Variants in SYT9 observed in about 807,000 individuals in gnomAD.
The protein encoded by SYT9 is synaptotagmin 9.
In SYT9, 22 loss-of-function variants were observed where a neutral mutation model predicts 48.4. That is an observed-to-expected ratio of 0.45 (90% CI 0.32 to 0.65). SYT9 has a LOEUF of 0.65. SYT9 is among the 30% of genes least tolerant of loss of function. SYT9 has a pLI of 0.03. For missense variants in SYT9, 577 were observed against 622.0 expected (o/e 0.93, Z 0.77); for synonymous variants, 265 against 245.0 (o/e 1.08, Z -0.76).
intron 3 of SYT9, among the ~76,000 whole-genome samples, chr11:7,369,656 G>A (rs1850319715): frequency 1.3e-5 from 2 of 151,844 alleles, no homozygotes; most frequent in South Asian, 4.2e-4. Context: ...TTTTGTGTAA[G>A]GTGTAAGGAA....
chr11:7,282,910 ACACACACACACACACG>A (rs1399916338), intron 1 of SYT9, among the ~76,000 whole-genome samples: 1 of 144,568 alleles, frequency 6.9e-6, no homozygotes. Context: ...CCGTGTTAAA[ACACACACACACACACG>A]CACACACACA....
intron 1 of SYT9, among the ~76,000 whole-genome samples, chr11:7,246,642 T>A (rs964455061): frequency 5.9e-5 from 9 of 152,248 alleles, no homozygotes; most frequent in Non-Finnish European, 1.2e-4. Flanking sequence ...GTTTTTTGCC[T>A]ATTTCAGATG....
chr11:7,415,966 T>G lies in SYT9; in HGVS notation c.1045-76T>G, dbSNP rs1847238453. 4.0e-5 allele frequency: 64 copies of G among 1,588,124 alleles called. 1 individual carries two copies. The South Asian group carries it at 7.2e-4, about 18-fold the overall frequency. On this transcript the variant is annotated intron_variant, in intron 3 of 6. Coordinates refer to ENST00000318881, the MANE Select transcript of SYT9 (RefSeq NM_175733.4). ...AAAGGGGCAGTGTGTTCCCTTTCAG[T>G]GTGGCCTGAAGCTGAGCCTCTTGCA... is the stretch of plus-strand genomic sequence containing the variant.
chr11:7,373,760 G>T (rs1432949714), intron 3 of SYT9, among the ~76,000 whole-genome samples: 1 of 152,050 alleles, frequency 6.6e-6, no homozygotes, highest in East Asian at 1.9e-4. Context: ...CAGATGTTTG[G>T]AAGCACCTGG....
At chr11:7,368,914 G>C (rs932270759) in intron 3 of SYT9, among the ~76,000 whole-genome samples, 1 of 152,126 alleles carries the variant, frequency 6.6e-6, no homozygotes, top group Admixed American at 6.6e-5. Context: ...CTAAGTCTTT[G>C]CCATGGTGAA....
At chr11:7,368,656 G>A (rs1475435299) in intron 3 of SYT9, among the ~76,000 whole-genome samples, 1 of 152,064 alleles carries the variant, frequency 6.6e-6, no homozygotes, top group East Asian at 1.9e-4. Flanking sequence ...GAGAATGATG[G>A]CTTCCAGCTT....
chr11:7,275,046 T>C (rs149833305), intron 1 of SYT9, among the ~76,000 whole-genome samples: 12 of 151,944 alleles, frequency 7.9e-5, no homozygotes, highest in African/African-American at 2.4e-4. Context: ...CCTTGTAAAG[T>C]TTGGGTTGTT....
chr11:7,303,211 C>A lies in SYT9; in HGVS notation c.318C>A (p.Thr106=), dbSNP rs1319638031. Residue 106 remains threonine, a synonymous_variant, in exon 2 of 7, where the codon ACC becomes ACA. Transcript: ENST00000318881. The part of the protein sequence containing the change: ...QEPLNYMDTE[T]NEQENSEDFL... ...CCCTTAACTACATGGACACAGAGAC[C>A]AATGAGCAGGAGAACAGTGAGGACT... The A allele has an allele frequency of 1.2e-6, 2 of 1,614,134 alleles. No homozygotes were observed. The highest frequency in any genetic ancestry group is 4.5e-5 in the East Asian group (2 of 44,876).
At chr11:7,349,510 G>A (rs374413032) in intron 3 of SYT9, among the ~76,000 whole-genome samples, 31 of 152,146 alleles carry the variant, frequency 2.0e-4, no homozygotes, top group African/African-American at 5.8e-4. Context: ...CAGTTGAGGT[G>A]GGCTGCGGGC....
chr11:7,375,834 C>T (rs1225546225), intron 3 of SYT9, among the ~76,000 whole-genome samples: 1 of 151,670 alleles, frequency 6.6e-6, no homozygotes, highest in Non-Finnish European at 1.5e-5. Flanking sequence ...TGGGGTTTCT[C>T]CACTCTAGCC....
chr11:7,287,111 AG>A (rs1475059788), intron 1 of SYT9, among the ~76,000 whole-genome samples: 1 of 152,222 alleles, frequency 6.6e-6, no homozygotes, highest in African/African-American at 2.4e-5. Flanking sequence ...TATAAAGGAA[AG>A]AGGTTTAATT....
intron 1 of SYT9, among the ~76,000 whole-genome samples, chr11:7,298,240 A>C (rs1319049554): frequency 1.3e-5 from 2 of 152,116 alleles, no homozygotes; most frequent in African/African-American, 4.8e-5. Flanking sequence ...ACGTTCAGGT[A>C]CCTGTTCCTT....
At chr11:7,415,832 GAT>G (rs1198181933) in intron 3 of SYT9, among the ~76,000 whole-genome samples, 2 of 152,172 alleles carry the variant, frequency 1.3e-5, no homozygotes, top group African/African-American at 4.8e-5. Flanking sequence ...GCCATCCAAA[GAT>G]AGGCTGTGCC....
intron 1 of SYT9, among the ~76,000 whole-genome samples, chr11:7,256,169 A>G (rs559694259): frequency 6.6e-6 from 1 of 152,296 alleles, no homozygotes; most frequent in South Asian, 2.1e-4. Context: ...GGTCTTAAAC[A>G]TGTTTTTATC....
intron 1 of SYT9, among the ~76,000 whole-genome samples, chr11:7,241,248 A>C (rs79585243): frequency 3.4e-5 from 5 of 147,282 alleles, no homozygotes; most frequent in African/African-American, 7.6e-5. Flanking sequence ...GCACACACTC[A>C]CCCCCCCCAC....
intron 3 of SYT9, among the ~76,000 whole-genome samples, chr11:7,339,469 T>A: frequency 6.6e-6 from 1 of 152,206 alleles, no homozygotes; most frequent in East Asian, 1.9e-4. Flanking sequence ...TACTTAAGTA[T>A]GTTTTTGCAC....
chr11:7,345,207 C>T (rs1387395901), intron 3 of SYT9, among the ~76,000 whole-genome samples: 1 of 152,174 alleles, frequency 6.6e-6, no homozygotes, highest in Non-Finnish European at 1.5e-5. Context: ...TCTCCAGACT[C>T]CCAAGTCCGT....
At chr11:7,362,425 G>A (rs541582888) in intron 3 of SYT9, among the ~76,000 whole-genome samples, 7 of 152,140 alleles carry the variant, frequency 4.6e-5, no homozygotes, top group South Asian at 2.1e-4. Flanking sequence ...CTGAACCACC[G>A]TGACCAGCCC....
At chr11:7,353,079 A>G (rs1231561811) in intron 3 of SYT9, among the ~76,000 whole-genome samples, 3 of 152,122 alleles carry the variant, frequency 2.0e-5, no homozygotes, top group African/African-American at 4.8e-5. Context: ...TTACAAAGTT[A>G]TTTTCTTTCA....
Sources: allele counts gnomAD v4.1 joint callset (sites outside exome capture counted in the v4.1 genomes callset), GRCh38; gene constraint gnomAD v4.1.1; transcripts MANE v1.5; gene names NCBI Gene and HGNC (gene_info 2026-07-23, HGNC 2026-07-21).